The following ASAP3 variants were observed in gnomAD, a reference collection of about 807,000 sequenced individuals.
ASAP3 encodes arf-GAP with SH3 domain, ANK repeat and PH domain-containing protein 3.
A neutral mutation model predicts 118.2 loss-of-function variants in ASAP3; 85 were observed. That is an observed-to-expected ratio of 0.72 (90% CI 0.60 to 0.86). The LOEUF (loss-of-function observed/expected upper bound fraction) is 0.86, where lower values mean the gene tolerates loss of function less well. ASAP3 is among the 40% of genes least tolerant of loss of function. ASAP3 has a pLI of 0.00. For missense variants in ASAP3, 1,026 were observed against 1,175.0 expected (o/e 0.87, Z 1.85); for synonymous variants, 432 against 477.4 (o/e 0.90, Z 1.24).
In ASAP3 at chr1:23,458,523, T is replaced by C. The variant is rs1283913015; in HGVS notation, c.130-2329A>G. Among the ~76,000 whole-genome samples, 3 of 152,062 alleles carry C rather than the reference T, an allele frequency of 2.0e-5. No homozygotes were observed. The East Asian group carries it at 5.8e-4, about 29-fold the overall frequency. On this transcript the variant is annotated intron_variant, in intron 1 of 24. Coordinates refer to ENST00000336689, the MANE Select transcript of ASAP3 (RefSeq NM_017707.4). Reference sequence around the variant, plus strand: ...CTGAGGTGGGAGGATCACCTGAGCCTGGGGAGGTCAAAACTGCAGTGAGCC... The same window carrying C: ...CTGAGGTGGGAGGATCACCTGAGCCCGGGGAGGTCAAAACTGCAGTGAGCC...
At position 23,430,029 on chromosome 1, in the gene ASAP3, A is replaced by C. The variant is rs539163981; in HGVS notation, c.2638-99T>G. On this transcript the variant is annotated intron_variant, in intron 24 of 24. Coordinates refer to ENST00000336689, the MANE Select transcript of ASAP3 (RefSeq NM_017707.4). ...ACATCTGTCCTATTGTAGATAAATT[A>C]AATTATTCTCATTTTACAGACAAAG... 4 of 1,008,178 alleles carry C rather than the reference A, an allele frequency of 4.0e-6. No individual in the cohort carries two copies. The South Asian group carries it at 6.4e-5, about 16-fold the overall frequency. 62.5% of individuals were successfully genotyped at this position (1,008,178 alleles called of 1,614,324 possible). A position where few individuals can be genotyped will look rare whatever the true frequency, so the allele number is the denominator to read the frequency against.
chr1:23,432,973 A>G (rs1640491842), intron 22 of ASAP3, 104 bp downstream of exon 22: 12 of 1,336,472 alleles, frequency 9.0e-6, no homozygotes, highest in Non-Finnish European at 1.2e-5. Context: ...GGAGGTCATC[A>G]TAAGGATAGT....
intron 20 of ASAP3, 41 bp downstream of exon 20, chr1:23,433,581 GGAGA>G (rs779977114): frequency 1.9e-4 from 304 of 1,614,076 alleles, no homozygotes; most frequent in Non-Finnish European, 2.5e-4. Flanking sequence ...GGCTCAGCAG[GGAGA>G]GAGAAAGAGT....
At chr1:23,433,605 C>T (rs1394611160) in intron 20 of ASAP3, 21 bp downstream of exon 20, 2 of 1,614,206 alleles carry the variant, frequency 1.2e-6, no homozygotes, top group Admixed American at 3.3e-5. Context: ...TCAGGGGCCC[C>T]TTGCCTCCCC....
chr1:23,452,967 G>C (rs986536455), intron 3 of ASAP3, among the ~76,000 whole-genome samples, 196 bp from the exon 4 acceptor site: 2 of 152,070 alleles, frequency 1.3e-5, no homozygotes, highest in Non-Finnish European at 2.9e-5. Context: ...CTGCGGGGGG[G>C]GACTAGAGGA....
At chr1:23,440,957 G>A (rs930341856) in intron 10 of ASAP3, 145 bp downstream of exon 10, 5 of 712,106 alleles carry the variant, frequency 7.0e-6, no homozygotes, top group African/African-American at 5.3e-5. Context: ...AGGTGTCCTG[G>A]ACAACCCAGG....
At chr1:23,441,836 G>T in intron 7 of ASAP3, 106 bp from the exon 8 acceptor site, 1 of 1,216,932 alleles carries the variant, frequency 8.2e-7, no homozygotes, top group Non-Finnish European at 1.2e-6. Flanking sequence ...GCACCTCAGG[G>T]AATTGTAGTC....
rs959821480 is a variant in ASAP3 at position 23,436,132 on chromosome 1, T to C, written c.1572-104A>G. 1.5e-5 allele frequency: 19 copies of C among 1,309,414 alleles called. No homozygotes were observed. The highest frequency in any genetic ancestry group is 3.7e-5 in the Admixed American group (2 of 53,578). 81.1% of individuals were successfully genotyped at this position (1,309,414 alleles called of 1,614,324 possible). A position where few individuals can be genotyped will look rare whatever the true frequency, so the allele number is the denominator to read the frequency against. On this transcript the variant is annotated intron_variant, in intron 16 of 24. Transcript: ENST00000336689. The surrounding 1 kb of genome is among the most constrained non-coding windows in gnomAD (Gnocchi z 4.2). ...ACAGCTCTCTTTTTCTCCAGAACCA[T>C]GTCCTGAAGACGTCTAGATCTGAGG... is the stretch of plus-strand genomic sequence containing the variant.
At chr1:23,474,917 G>A (rs1456571333) in intron 1 of ASAP3, among the ~76,000 whole-genome samples, 2 of 152,184 alleles carry the variant, frequency 1.3e-5, no homozygotes, top group African/African-American at 4.8e-5. Flanking sequence ...AGCAATGGAT[G>A]CAAATGTGGT....
chr1:23,454,184 CA>C (rs1260049905), intron 3 of ASAP3, among the ~76,000 whole-genome samples: 9 of 107,104 alleles, frequency 8.4e-5, no homozygotes, highest in East Asian at 3.0e-4. Context: ...CCACACCTGG[CA>C]TTTTTTTTTT....
Position 23,436,736 on chromosome 1 carries a change from A to C in ASAP3, c.1477-82T>G. ...ATAGGGTGGAGCTCCAAGCCCCCAG[A>C]GTCCCGCCCCTCGGCCGCCCTCCCG... On this transcript the variant is annotated intron_variant, in intron 15 of 24. Transcript: ENST00000336689. This position sits in a 1 kb window ranked among gnomAD's most constrained non-coding sequence, Gnocchi z 4.2. The C allele has an allele frequency of 6.3e-7, 1 of 1,583,408 alleles. No individual in the cohort carries two copies. Among genetic ancestry groups the C allele is most frequent in the Admixed American group, 1.7e-5 (1 of 58,464 alleles).
At chr1:23,459,041 A>G (rs1641482298) in intron 1 of ASAP3, among the ~76,000 whole-genome samples, 1 of 151,918 alleles carries the variant, frequency 6.6e-6, no homozygotes. Flanking sequence ...GTGGTGGTGC[A>G]CACCTGTAAT....
intron 5 of ASAP3, among the ~76,000 whole-genome samples, chr1:23,450,640 A>T (rs958206954): frequency 6.6e-6 from 1 of 151,862 alleles, no homozygotes. Context: ...AGAGAGTATT[A>T]TCCGCCTGCC....
intron 1 of ASAP3, among the ~76,000 whole-genome samples, chr1:23,472,759 G>A (rs1642000404): frequency 1.3e-5 from 2 of 152,122 alleles, no homozygotes; most frequent in African/African-American, 2.4e-5. Context: ...TACAGTAAGA[G>A]GGAATTTTAA....
chr1:23,462,466 C>A (rs1030120498), intron 1 of ASAP3, among the ~76,000 whole-genome samples: 1 of 152,014 alleles, frequency 6.6e-6, no homozygotes, highest in African/African-American at 2.4e-5. Flanking sequence ...GCCCACTACA[C>A]CCTGTGTAAA....
chr1:23,442,491 C>T lies in ASAP3; in HGVS notation c.585+10G>A, dbSNP rs575246410. 223 of 1,612,112 alleles carry T rather than the reference C, an allele frequency of 1.4e-4. 3 individuals are homozygous for T. In the South Asian group the frequency reaches 2.0e-3, roughly 14 times the overall value. ...CACGCCCCCCCTCCCTCATCCAGAG[C>T]ACCCCTTACCTCACACATGTGCAGC... On this transcript the variant is annotated intron_variant, in intron 6 of 24. Coordinates refer to ENST00000336689, the MANE Select transcript of ASAP3 (RefSeq NM_017707.4).
At chr1:23,454,645 G>T (rs1302862190) in intron 3 of ASAP3, among the ~76,000 whole-genome samples, 1 of 152,206 alleles carries the variant, frequency 6.6e-6, no homozygotes, top group Non-Finnish European at 1.5e-5. Flanking sequence ...CTTTTTACAT[G>T]CAGGACAGTG....
intron 3 of ASAP3, among the ~76,000 whole-genome samples, chr1:23,453,141 C>T (rs920119206): frequency 6.6e-6 from 1 of 152,194 alleles, no homozygotes; most frequent in African/African-American, 2.4e-5. Flanking sequence ...GTCAATCTCT[C>T]CCCTGTTCCT....
chr1:23,438,639 G>A lies in ASAP3; in HGVS notation c.1102+108C>T. Reference sequence around the variant, plus strand: ...TGCAGTAGCAGCAATTCGACACCATGTGTGGAACTGGACACAGACCCCTCA... The same window carrying A: ...TGCAGTAGCAGCAATTCGACACCATATGTGGAACTGGACACAGACCCCTCA... On this transcript the variant is annotated intron_variant, in intron 12 of 24. Transcript: ENST00000336689. The surrounding 1 kb of genome is among the most constrained non-coding windows in gnomAD (Gnocchi z 4.9). 1 of 895,776 alleles carries A rather than the reference G, an allele frequency of 1.1e-6. No individual in the cohort carries two copies. Among genetic ancestry groups the A allele is most frequent in the Non-Finnish European group, 1.8e-6 (1 of 561,468 alleles). The allele number at this position is 895,776 out of a possible 1,614,324, so 55.5% of individuals were successfully genotyped here. A position where few individuals can be genotyped will look rare whatever the true frequency, so the allele number is the denominator to read the frequency against.
Sources: allele counts gnomAD v4.1 joint callset (sites outside exome capture counted in the v4.1 genomes callset), GRCh38; gene constraint gnomAD v4.1.1; non-coding constraint Gnocchi (gnomAD v3.1); transcripts MANE v1.5; gene names NCBI Gene and HGNC (gene_info 2026-07-23, HGNC 2026-07-21).